The following ABCB5 variants were observed in gnomAD, a reference collection of about 807,000 sequenced individuals.
ABCB5 encodes the protein ATP binding cassette subfamily B member 5, also known as ATP-binding cassette sub-family B member 5.
A neutral mutation model predicts 144.2 loss-of-function variants in ABCB5; 155 were observed. The ratio of observed to expected loss-of-function variants is 1.08; its 90% CI spans 0.94 to 1.23. ABCB5 has a LOEUF of 1.23. Ranked by LOEUF, ABCB5 falls within the 50% of genes most tolerant of loss-of-function variation. ABCB5 has a pLI of 0.00. For missense variants in ABCB5, 1,830 were observed against 1,520.8 expected (o/e 1.20, Z -3.38); for synonymous variants, 610 against 528.6 (o/e 1.15, Z -2.11).
At chr7:20,707,432 A>G (rs1171174846) in intron 20 of ABCB5, among the ~76,000 whole-genome samples, 2 of 152,222 alleles carry the variant, frequency 1.3e-5, no homozygotes, top group Non-Finnish European at 1.5e-5. Flanking sequence ...TTGCCAGTAC[A>G]TCTGTCAACA....
rs1212418391 is a variant in ABCB5, at chr7:20,626,571, A to G, written c.68A>G (p.Gln23Arg). The G allele has an allele frequency of 6.2e-7, 1 of 1,608,254 alleles. No individual in the cohort carries two copies. The highest frequency in any genetic ancestry group is 8.5e-7 in the Non-Finnish European group (1 of 1,177,150). Reference protein sequence around the residue: ...NYQRNGTAEEQPKLRKEAVGS... With the variant: ...NYQRNGTAEERPKLRKEAVGS... ...TTATTTTCCAGAACTGCAGAAGAAC[A>G]GCCAAAACTGAGAAAGGAAGCAGTT... Residue 23 changes from glutamine to arginine, a missense_variant, in exon 3 of 28, where the codon CAG (glutamine) becomes CGG (arginine). Transcript: ENST00000404938.
rs959192069 is a variant in ABCB5 at position 20,685,842 on chromosome 7, G to C, written c.2010+6G>C. ...AATCCACCCAATCTAAAGAGGTAAT[G>C]GCTCAGCGATCAACCAGTTTTTCCT... On this transcript the variant is annotated splice_donor_region_variant and intron_variant, in intron 16 of 27. Coordinates refer to ENST00000404938, the MANE Select transcript of ABCB5 (RefSeq NM_001163941.2). 5 of 1,576,652 alleles carry C rather than the reference G, an allele frequency of 3.2e-6. No individual in the cohort carries two copies. Among genetic ancestry groups the C allele is most frequent in the Non-Finnish European group, 4.3e-6 (5 of 1,167,542 alleles).
intron 5 of ABCB5, among the ~76,000 whole-genome samples, chr7:20,636,047 C>T (rs1160910284): frequency 6.6e-6 from 1 of 152,094 alleles, no homozygotes; most frequent in Non-Finnish European, 1.5e-5. Context: ...TTTTTTTCAT[C>T]ATGGAAAGTT....
chr7:20,688,562 G>A (rs113106817), intron 16 of ABCB5, among the ~76,000 whole-genome samples: 16,421 of 152,072 alleles, frequency 0.11, 1,359 homozygotes, highest in African/African-American at 0.24. Context: ...TCAGTGTGGC[G>A]ATTCCTCAAG....
rs574592723 is a variant in ABCB5 at position 20,717,883 on chromosome 7, C to CTTTTTTTTTT, written c.2422-5106_2422-5097dup. The stretch of plus-strand genomic sequence containing the variant: ...AATACGGTAACATTCTTGTAACATT[C>CTTTTTTTTTT]TTTTTTTTTTTTTTTTTTTTTTTTT... On this transcript the variant is annotated intron_variant, in intron 20 of 27. Transcript: ENST00000404938. 6.9e-5 allele frequency among the ~76,000 whole-genome samples: 3 copies of CTTTTTTTTTT among 43,272 alleles called. 1 individual carries two copies. The highest frequency in any genetic ancestry group is 3.6e-4 in the Admixed American group (1 of 2,780). 28.4% of individuals were successfully genotyped at this position (43,272 alleles called of 152,430 possible).
At chr7:20,699,439 G>A (rs577794104) in intron 17 of ABCB5, among the ~76,000 whole-genome samples, 87 of 152,190 alleles carry the variant, frequency 5.7e-4, no homozygotes, top group Admixed American at 1.1e-3. Flanking sequence ...AATGGCTCAC[G>A]CCTGTAATCC....
At chr7:20,681,756 T>A in intron 15 of ABCB5, 90 bp downstream of exon 15, 1 of 1,471,514 alleles carries the variant, frequency 6.8e-7, no homozygotes, top group East Asian at 2.3e-5. Context: ...CAAATTATAA[T>A]CTTAAATTTC....
chr7:20,699,993 T>TA, intron 18 of ABCB5, 64 bp downstream of exon 18: 1 of 1,600,596 alleles, frequency 6.2e-7, no homozygotes, highest in East Asian at 2.2e-5. Context: ...CTATTTGAGT[T>TA]AAAAATATAT....
intron 20 of ABCB5, among the ~76,000 whole-genome samples, chr7:20,714,685 A>T (rs2128047207): frequency 6.6e-6 from 1 of 152,318 alleles, no homozygotes; most frequent in East Asian, 1.9e-4. Flanking sequence ...TATAGAAAGG[A>T]TATAATTCTA....
At position 20,728,400 on chromosome 7, in the gene ABCB5, C is replaced by T. The variant is rs199675268; in HGVS notation, c.2812C>T (p.Arg938Ter). The T allele has an allele frequency of 1.9e-5, 30 of 1,613,962 alleles. No homozygotes were observed. The highest frequency in any genetic ancestry group is 6.7e-5 in the Admixed American group (4 of 59,980). The change falls in exon 23 of 28, where the codon CGA becomes TGA. Residue 938 changes from arginine (R) to a stop codon, truncating the protein, a stop_gained. Transcript: ENST00000404938. LOFTEE classifies it high-confidence loss of function. ...ATATTTTGCCTATGCGGCAGGGTTTCGATTTGGAGCCTATTTAATTCAAGC... is the reference window on the plus strand; with the variant it reads ...ATATTTTGCCTATGCGGCAGGGTTTTGATTTGGAGCCTATTTAATTCAAGC... ...FIYFAYAAGF[R>*]FGAYLIQAGR...
chr7:20,623,376 A>G (rs190351424), intron 2 of ABCB5, 38 bp downstream of exon 2: 166 of 1,472,230 alleles, frequency 1.1e-4, no homozygotes, highest in Non-Finnish European at 1.5e-4. Flanking sequence ...TGCTTCCACA[A>G]CTTCAAATAT....
At chr7:20,726,787 T>C (rs1441241150) in intron 21 of ABCB5, among the ~76,000 whole-genome samples, 1 of 152,218 alleles carries the variant, frequency 6.6e-6, no homozygotes, top group Non-Finnish European at 1.5e-5. Flanking sequence ...AAATTCAGTA[T>C]AAACTTGAAT....
At chr7:20,652,410 A>G (rs143004354) in intron 13 of ABCB5, among the ~76,000 whole-genome samples, 1 of 152,286 alleles carries the variant, frequency 6.6e-6, no homozygotes, top group African/African-American at 2.4e-5. Flanking sequence ...TCTACTAAAA[A>G]GACAAAAAAA....
chr7:20,659,618 G>T, intron 14 of ABCB5: 1 of 989,738 alleles, frequency 1.0e-6, no homozygotes, highest in Non-Finnish European at 1.2e-6. Flanking sequence ...GTTTACTGTG[G>T]ACACTTCGGC....
intron 13 of ABCB5, among the ~76,000 whole-genome samples, chr7:20,657,449 G>C (rs2128029207): frequency 6.6e-6 from 1 of 152,266 alleles, no homozygotes; most frequent in South Asian, 2.1e-4. Context: ...GCAATAAATA[G>C]GAGTGAACAA....
At position 20,698,529 on chromosome 7, in the gene ABCB5, C is replaced by T. The variant is rs1786502287; in HGVS notation, c.2133C>T (p.Ile711=). 6.3e-7 allele frequency: 1 copy of T among 1,592,530 alleles called. No individual in the cohort carries two copies. The highest frequency in any genetic ancestry group is 8.5e-7 in the Non-Finnish European group (1 of 1,174,088). Residue 711 remains isoleucine (I), a synonymous_variant, in exon 17 of 28, where the codon ATC becomes ATT. Coordinates refer to ENST00000404938, the MANE Select transcript of ABCB5 (RefSeq NM_001163941.2). The stretch of plus-strand genomic sequence containing the variant: ...GAACTGTTCATCCAGTATTTTCCAT[C>T]ATCTTTGCAAAAATTATAACCGTAA... ...LNGTVHPVFS[I]IFAKIITMFG... is the part of the protein sequence containing the mutation.
intron 2 of ABCB5, 127 bp from the exon 3 acceptor site, chr7:20,626,430 A>T: frequency 2.9e-6 from 2 of 696,508 alleles, no homozygotes; most frequent in Non-Finnish European, 4.6e-6. Context: ...GTTTATTTTT[A>T]AAATTTCAGT....
intron 24 of ABCB5, among the ~76,000 whole-genome samples, chr7:20,741,950 G>A (rs1168559281): frequency 6.6e-6 from 1 of 152,202 alleles, no homozygotes; most frequent in Non-Finnish European, 1.5e-5. Flanking sequence ...TGATAGTTCT[G>A]GAAAGTCTTT....
chr7:20,703,241 G>T (rs1037398743), intron 19 of ABCB5, among the ~76,000 whole-genome samples: 2 of 152,170 alleles, frequency 1.3e-5, no homozygotes, highest in Non-Finnish European at 2.9e-5. Flanking sequence ...TAATTTTGGA[G>T]AGAGAGAACA....
Sources: allele counts gnomAD v4.1 joint callset (sites outside exome capture counted in the v4.1 genomes callset), GRCh38; gene constraint gnomAD v4.1.1; transcripts MANE v1.5; gene names NCBI Gene and HGNC (gene_info 2026-07-23, HGNC 2026-07-21).